The following COPG2 variants were observed in gnomAD, a reference collection of about 807,000 sequenced individuals.
The protein encoded by COPG2 is coat protein complex I subunit gamma 2.
COPG2 carries 37 observed loss-of-function variants against 46.3 expected under a neutral mutation model. The observed-to-expected ratio is 0.80, with a 90% CI of 0.61 to 1.05. The LOEUF (loss-of-function observed/expected upper bound fraction) is 1.05. COPG2 is among the 50% of genes least tolerant of loss of function. The pLI is 0.00. For synonymous variants in COPG2, 159 were observed against 129.7 expected (o/e 1.23, Z -1.53); for missense variants, 427 against 387.8 (o/e 1.10, Z -0.85).
chr7:130,662,173 T>C lies in COPG2; in HGVS notation c.243+794A>G, dbSNP rs1045849045. On this transcript the variant is annotated intron_variant, in intron 4 of 23. Transcript: ENST00000425248. ...TTAGTCTTCCTTTGCCTGTAGAGTA[T>C]ATAATGGCCTCCCCTGAAACAGCTG... is the stretch of plus-strand genomic sequence containing the variant. Among the ~76,000 whole-genome samples the C allele has an allele frequency of 7.2e-5, 11 of 152,178 alleles. No homozygotes were observed. The South Asian group carries it at 1.0e-3, about 14-fold the overall frequency.
chr7:130,613,128 G>A (rs1470927337), intron 7 of COPG2, among the ~76,000 whole-genome samples: 3 of 152,134 alleles, frequency 2.0e-5, no homozygotes, highest in Non-Finnish European at 4.4e-5. Flanking sequence ...ATGGACAGAG[G>A]GCAGAGGGAT....
At chr7:130,658,442 T>C (rs934675670) in intron 4 of COPG2, among the ~76,000 whole-genome samples, 9 of 152,130 alleles carry the variant, frequency 5.9e-5, no homozygotes, top group African/African-American at 1.4e-4. Context: ...GATGGAAATG[T>C]TCTAAACCTC....
At chr7:130,657,310 G>A (rs1795876934) in intron 4 of COPG2, among the ~76,000 whole-genome samples, 2 of 152,040 alleles carry the variant, frequency 1.3e-5, no homozygotes, top group Admixed American at 6.5e-5. Context: ...AGGAAGAAAA[G>A]GAAGAGGCAG....
chr7:130,548,356 T>C, intron 19 of COPG2, 47 bp downstream of exon 19: 1 of 398,362 alleles, frequency 2.5e-6, no homozygotes, highest in East Asian at 3.6e-5. Context: ...TCTCAAAGCA[T>C]ACCAGTTTAT....
chr7:130,631,656 T>C (rs1383868826), intron 5 of COPG2, among the ~76,000 whole-genome samples: 2 of 152,244 alleles, frequency 1.3e-5, no homozygotes, highest in Non-Finnish European at 2.9e-5. Flanking sequence ...ACAAACTTTA[T>C]AGTAATAAAG....
intron 20 of COPG2, among the ~76,000 whole-genome samples, chr7:130,534,508 G>A (rs908814882): frequency 6.6e-6 from 1 of 152,140 alleles, no homozygotes; most frequent in Non-Finnish European, 1.5e-5. Flanking sequence ...CAATGGGGGT[G>A]GGGGGCACAG....
intron 5 of COPG2, among the ~76,000 whole-genome samples, chr7:130,618,829 G>T (rs1794991835): frequency 6.6e-6 from 1 of 151,888 alleles, no homozygotes; most frequent in Non-Finnish European, 1.5e-5. Flanking sequence ...CCTCATTTTG[G>T]ATAAAGTACC....
At chr7:130,558,750 G>T (rs1334445255) in intron 12 of COPG2, among the ~76,000 whole-genome samples, 1 of 152,074 alleles carries the variant, frequency 6.6e-6, no homozygotes, top group Non-Finnish European at 1.5e-5. Flanking sequence ...TTGAACTCCT[G>T]GACTCAAGCG....
chr7:130,639,200 G>A (rs1217186960), intron 5 of COPG2, among the ~76,000 whole-genome samples: 13 of 152,134 alleles, frequency 8.5e-5, no homozygotes, highest in African/African-American at 3.1e-4. Flanking sequence ...ACACCTCCAC[G>A]TCTGAGCTAA....
At chr7:130,523,836 G>T (rs1350259105) in intron 20 of COPG2, among the ~76,000 whole-genome samples, 2 of 152,088 alleles carry the variant, frequency 1.3e-5, no homozygotes, top group Non-Finnish European at 2.9e-5. Flanking sequence ...TGAAGACATC[G>T]GTGCTAAGGA....
chr7:130,533,337 A>G (rs1245129572), intron 20 of COPG2, among the ~76,000 whole-genome samples: 2 of 151,860 alleles, frequency 1.3e-5, no homozygotes, highest in Non-Finnish European at 2.9e-5. Context: ...GTCCTATGCC[A>G]AGGACCAATA....
chr7:130,616,933 C>T lies in COPG2; in HGVS notation c.399+57G>A, dbSNP rs377375255. The T allele has an allele frequency of 9.3e-6, 10 of 1,077,966 alleles. No individual in the cohort carries two copies. The African/African-American group carries it at 1.6e-4, about 17-fold the overall frequency. The allele number at this position is 1,077,966 out of a possible 1,614,324, so 66.8% of individuals were successfully genotyped here. ...AGGAAATCCTACTAAATCTACATGG[C>T]CACCTGCAGATAAACATAGTGTTCC... On this transcript the variant is annotated intron_variant, in intron 6 of 23. Transcript: ENST00000425248.
rs185268691 is a variant in COPG2, at chr7:130,576,994, C to T, written c.738-12601G>A. Among the ~76,000 whole-genome samples, 853 of 152,230 alleles carry T rather than the reference C, an allele frequency of 5.6e-3. 3 individuals carry two copies. Among genetic ancestry groups the T allele is most frequent in the Non-Finnish European group, 9.0e-3 (614 of 68,000 alleles). On this transcript the variant is annotated intron_variant, in intron 9 of 23. Transcript: ENST00000425248. ...AACCTACAATGAACATCTTTACACA[C>T]ATAAACTAGAAAACCTGGAAGAAAT...
intron 4 of COPG2, among the ~76,000 whole-genome samples, chr7:130,657,033 T>A (rs1458253737): frequency 6.6e-6 from 1 of 150,744 alleles, no homozygotes; most frequent in Admixed American, 6.6e-5. Context: ...AAAATCCATA[T>A]GGAAATGCAA....
intron 20 of COPG2, among the ~76,000 whole-genome samples, chr7:130,546,380 A>G (rs1266989284): frequency 6.6e-6 from 1 of 152,238 alleles, no homozygotes; most frequent in Non-Finnish European, 1.5e-5. Context: ...AAAACAGACC[A>G]GGAGAGAAAG....
intron 9 of COPG2, among the ~76,000 whole-genome samples, chr7:130,590,223 C>G (rs1794367005): frequency 6.6e-6 from 1 of 151,568 alleles, no homozygotes; most frequent in Admixed American, 6.6e-5. Flanking sequence ...CACGGTCTCT[C>G]TCTCCCTCTC....
Position 130,506,455 on chromosome 7 carries a change from C to T in COPG2, c.*221G>A, listed in dbSNP as rs575309397. On this transcript the variant is annotated 3_prime_UTR_variant, in exon 24 of 24. Coordinates refer to ENST00000425248, the MANE Select transcript of COPG2 (RefSeq NM_012133.6). ...TCAAGATCACCCAAAGCTGCACTAT[C>T]GTCCCAAAGCTGACCAAGTAGAATA... 58 of 301,860 alleles carry T rather than the reference C, an allele frequency of 1.9e-4. No individual in the cohort carries two copies. The South Asian group carries it at 2.7e-3, about 14-fold the overall frequency. 18.7% of individuals were successfully genotyped at this position (301,860 alleles called of 1,614,324 possible).
chr7:130,653,454 T>C (rs1206994739), intron 4 of COPG2, among the ~76,000 whole-genome samples: 1 of 152,152 alleles, frequency 6.6e-6, no homozygotes, highest in Non-Finnish European at 1.5e-5. Context: ...GCGTACAGTA[T>C]TAATTAAAGG....
At chr7:130,571,660 T>C (rs1305888149) in intron 9 of COPG2, among the ~76,000 whole-genome samples, 1 of 151,940 alleles carries the variant, frequency 6.6e-6, no homozygotes, top group Non-Finnish European at 1.5e-5. Flanking sequence ...AACTAAAAAG[T>C]AGATCTACCA....
Sources: allele counts gnomAD v4.1 joint callset (sites outside exome capture counted in the v4.1 genomes callset), GRCh38; gene constraint gnomAD v4.1.1; transcripts MANE v1.5; gene names NCBI Gene and HGNC (gene_info 2026-07-23, HGNC 2026-07-21).